The following GNA12 variants were observed in gnomAD, a reference collection of about 807,000 sequenced individuals.
GNA12 encodes G protein subunit alpha 12.
A neutral mutation model predicts 26.0 loss-of-function variants in GNA12; 9 were observed. That is an observed-to-expected ratio of 0.35 (90% CI 0.21 to 0.60). The LOEUF (loss-of-function observed/expected upper bound fraction) is 0.60. GNA12 is among the 20% of genes least tolerant of loss of function. GNA12 has a pLI of 0.78. For synonymous variants in GNA12, 264 were observed against 219.6 expected, an observed-to-expected ratio of 1.20 and a Z score of -1.79; for missense variants, 405 against 525.8, an observed-to-expected ratio of 0.77 and a Z score of 2.25.
In GNA12 at chr7:2,814,877, A is replaced by G. The variant is rs1378319641; in HGVS notation, c.310-19734T>C. The G allele has an allele frequency of 3.1e-6, 5 of 1,602,084 alleles. No individual in the cohort carries two copies. In the South Asian group the frequency reaches 4.5e-5, roughly 14 times the overall value. ...GCTCCCCTCCACAGCACTCACTCAC[A>G]CGACTGCCAGGCATCCTTGCTAGGC... On this transcript the variant is annotated intron_variant, in intron 1 of 3. Coordinates refer to ENST00000275364, the MANE Select transcript of GNA12 (RefSeq NM_007353.3).
At chr7:2,758,706 G>A (rs1164519214) in intron 2 of GNA12, among the ~76,000 whole-genome samples, 3 of 152,188 alleles carry the variant, frequency 2.0e-5, no homozygotes, top group African/African-American at 4.8e-5. Context: ...GTGTAGCAGC[G>A]TGCCCCTAAC....
intron 2 of GNA12, among the ~76,000 whole-genome samples, chr7:2,775,912 G>A (rs529449965): frequency 4.6e-5 from 7 of 152,330 alleles, no homozygotes; most frequent in South Asian, 4.1e-4. Context: ...GAAAAGGTCC[G>A]TACAGCTAGG....
At chr7:2,740,432 G>C (rs573419177) in intron 2 of GNA12, among the ~76,000 whole-genome samples, 1 of 152,262 alleles carries the variant, frequency 6.6e-6, no homozygotes, top group South Asian at 2.1e-4. Flanking sequence ...GAAGCTGGCC[G>C]TCTGCAAGCG....
chr7:2,812,755 C>T (rs1010801097), intron 1 of GNA12, among the ~76,000 whole-genome samples: 1 of 144,092 alleles, frequency 6.9e-6, no homozygotes, highest in African/African-American at 2.5e-5. Context: ...TCACCAGGGC[C>T]ACATGAAGGC....
intron 1 of GNA12, among the ~76,000 whole-genome samples, chr7:2,814,619 T>G (rs547179435): frequency 6.8e-6 from 1 of 146,418 alleles, no homozygotes; most frequent in Non-Finnish European, 1.5e-5. Flanking sequence ...AAAAATTCCT[T>G]ATTTCCTTTT....
At chr7:2,801,025 T>C (rs555882924) in intron 1 of GNA12, among the ~76,000 whole-genome samples, 86 of 152,006 alleles carry the variant, frequency 5.7e-4, no homozygotes, top group Non-Finnish European at 7.6e-4. Context: ...CACAGATTTC[T>C]CTGGCGAGGT....
intron 2 of GNA12, among the ~76,000 whole-genome samples, chr7:2,792,431 G>A (rs1479496778): frequency 2.6e-5 from 4 of 152,208 alleles, no homozygotes; most frequent in African/African-American, 4.8e-5. Context: ...CTGCACTGAC[G>A]GAACAGGGCA....
chr7:2,743,187 T>C (rs1260019389), intron 2 of GNA12, among the ~76,000 whole-genome samples: 3 of 152,124 alleles, frequency 2.0e-5, no homozygotes, highest in African/African-American at 4.8e-5. Context: ...ACCGTATATA[T>C]GGGGGCAAAC....
chr7:2,758,842 T>C (rs1212513881), intron 2 of GNA12, among the ~76,000 whole-genome samples: 1 of 152,178 alleles, frequency 6.6e-6, no homozygotes, highest in Non-Finnish European at 1.5e-5. Flanking sequence ...TATCACCGCA[T>C]GTATCAACAT....
rs1331091764 is a variant in GNA12, at chr7:2,844,178, G to A, written c.-17C>T. ...CCCGGACATGGCCCCTCAGGCCGCG[G>A]CCGCGCCCCGCCGGCGCCCGGGGGC... On this transcript the variant is annotated 5_prime_UTR_variant, in exon 1 of 4. Transcript: ENST00000275364. 2 of 979,684 alleles carry A rather than the reference G, an allele frequency of 2.0e-6. No homozygotes were observed. The highest frequency in any genetic ancestry group is 1.8e-5 in the African/African-American group (1 of 56,494). The allele number at this position is 979,684 out of a possible 1,614,324, so 60.7% of individuals were successfully genotyped here. A position where few individuals can be genotyped will look rare whatever the true frequency, so the allele number is the denominator to read the frequency against.
rs1421862332 is a variant in GNA12, at chr7:2,737,283, T to G, written c.526-3782A>C. On this transcript the variant is annotated intron_variant, in intron 2 of 3. Transcript: ENST00000275364. ...CTCACAGTTTTGTTTTGTTTTTTTT[T>G]TTTTTGTTTTTTTTTTTTTTTTTGA... Among the ~76,000 whole-genome samples the G allele has an allele frequency of 1.6e-4, 10 of 61,096 alleles. 1 individual carries two copies. The East Asian group carries it at 2.0e-3, about 12-fold the overall frequency. The allele number at this position is 61,096 out of a possible 152,430, so 40.1% of individuals were successfully genotyped here. A position where few individuals can be genotyped will look rare whatever the true frequency, so the allele number is the denominator to read the frequency against.
chr7:2,804,161 T>G (rs927321964), intron 1 of GNA12, among the ~76,000 whole-genome samples: 1 of 152,230 alleles, frequency 6.6e-6, no homozygotes, highest in African/African-American at 2.4e-5. Context: ...GGGGAAAAGC[T>G]TGCACACACT....
chr7:2,750,686 C>T (rs569801932), intron 2 of GNA12, among the ~76,000 whole-genome samples: 3 of 152,280 alleles, frequency 2.0e-5, no homozygotes, highest in African/African-American at 7.2e-5. Context: ...AAGGTGAAGC[C>T]ACGGACACGG....
intron 2 of GNA12, among the ~76,000 whole-genome samples, chr7:2,778,859 G>A (rs902294051): frequency 3.3e-5 from 5 of 152,158 alleles, no homozygotes; most frequent in African/African-American, 7.2e-5. Context: ...TGTGGAAGCT[G>A]ATTAAATTTG....
In GNA12 at chr7:2,734,190, C is replaced by T. The variant is rs1247632955; in HGVS notation, c.526-689G>A. 1.7e-4 allele frequency among the ~76,000 whole-genome samples: 26 copies of T among 152,192 alleles called. 1 individual carries two copies. The highest frequency in any genetic ancestry group is 1.6e-4 in the Non-Finnish European group (11 of 68,042). On this transcript the variant is annotated intron_variant, in intron 2 of 3. Coordinates refer to ENST00000275364, the MANE Select transcript of GNA12 (RefSeq NM_007353.3). ...TCACCCAGGACCCCGTTTCAGGAAG[C>T]GCTGAGCCGCCAAATGCGAGGCACA...
At chr7:2,826,943 A>G (rs1283859997) in intron 1 of GNA12, among the ~76,000 whole-genome samples, 1 of 152,224 alleles carries the variant, frequency 6.6e-6, no homozygotes, top group Non-Finnish European at 1.5e-5. Context: ...TCAGTTAATA[A>G]TATATTCATA....
intron 2 of GNA12, among the ~76,000 whole-genome samples, chr7:2,758,988 A>C (rs1319240581): frequency 2.0e-5 from 3 of 151,824 alleles, no homozygotes; most frequent in Non-Finnish European, 2.9e-5. Flanking sequence ...AAAAATACAA[A>C]AACTAGCGGG....
At chr7:2,742,146 C>T (rs192400232) in intron 2 of GNA12, among the ~76,000 whole-genome samples, 104 of 152,070 alleles carry the variant, frequency 6.8e-4, no homozygotes, top group African/African-American at 2.4e-3. Flanking sequence ...CTCAGCCACC[C>T]GAGTAGCTGG....
chr7:2,783,235 AG>A (rs1792273868), intron 2 of GNA12, among the ~76,000 whole-genome samples: 1 of 152,162 alleles, frequency 6.6e-6, no homozygotes, highest in South Asian at 2.1e-4. Context: ...GTCTTTCCAG[AG>A]AAAGTTGGCT....
Sources: allele counts gnomAD v4.1 joint callset (sites outside exome capture counted in the v4.1 genomes callset), GRCh38; gene constraint gnomAD v4.1.1; transcripts MANE v1.5; gene names NCBI Gene and HGNC (gene_info 2026-07-23, HGNC 2026-07-21).